Variants in NAV2 observed in about 807,000 individuals in gnomAD.
The protein encoded by NAV2 is helicase, APC down-regulated 1.
NAV2 carries 54 observed loss-of-function variants against 223.2 expected under a neutral mutation model. The ratio of observed to expected loss-of-function variants is 0.24; its 90% CI spans 0.19 to 0.30. NAV2 has a LOEUF of 0.30. Ranked by LOEUF, NAV2 falls within the 10% of genes least tolerant of loss-of-function variation. The pLI, the probability that NAV2 is intolerant of heterozygous loss-of-function variation, is 1.00. For missense variants in NAV2, 2,806 were observed against 3,147.5 expected (o/e 0.89, Z 2.60); for synonymous variants, 1,279 against 1,239.3 (o/e 1.03, Z -0.67).
rs548054400 is a variant in NAV2 at position 19,887,416 on chromosome 11, C to T, written c.771-5018C>T. Among the ~76,000 whole-genome samples the T allele has an allele frequency of 1.4e-4, 22 of 152,110 alleles. No individual in the cohort carries two copies. The South Asian group carries it at 3.1e-3, about 22-fold the overall frequency. ...GATATGAGGTGCAGTTAAACCTAAG[C>T]GAAGGCCCATCCTTACCACTTACTG... On this transcript the variant is annotated intron_variant, in intron 5 of 37. Coordinates refer to ENST00000349880, the MANE Select transcript of NAV2 (RefSeq NM_145117.5).
rs758442049 is a variant in NAV2 at position 20,095,787 on chromosome 11, G to A, written c.6012+20G>A. The stretch of plus-strand genomic sequence containing the variant: ...TTCAAAGTAAGTGTTTCAAGACAAC[G>A]GCTACAGCATACTACCTAACATGGG... On this transcript the variant is annotated intron_variant, in intron 30 of 37. Coordinates refer to ENST00000349880, the MANE Select transcript of NAV2 (RefSeq NM_145117.5). 7.0e-6 allele frequency: 11 copies of A among 1,579,904 alleles called. No homozygotes were observed. Among genetic ancestry groups the A allele is most frequent in the African/African-American group, 2.7e-5 (2 of 74,244 alleles).
chr11:19,843,403 C>T (rs914318222), intron 3 of NAV2, among the ~76,000 whole-genome samples: 2 of 152,212 alleles, frequency 1.3e-5, no homozygotes, highest in Non-Finnish European at 2.9e-5. Context: ...TGTGCAGTCA[C>T]ATCTGAAGCT....
intron 1 of NAV2, among the ~76,000 whole-genome samples, chr11:19,393,420 G>A (rs1433527014): frequency 6.6e-6 from 1 of 152,210 alleles, no homozygotes; most frequent in East Asian, 1.9e-4. Context: ...GGTCTGATCT[G>A]TAGCTTTAAA....
intron 5 of NAV2, chr11:19,884,288 A>G: frequency 6.2e-7 from 1 of 1,611,438 alleles, no homozygotes; most frequent in Non-Finnish European, 8.5e-7. Flanking sequence ...CTTTCCTATC[A>G]TGCAGTGCAT....
chr11:20,051,466 G>A (rs1452751671), intron 17 of NAV2, 133 bp downstream of exon 17: 1 of 784,762 alleles, frequency 1.3e-6, no homozygotes, highest in East Asian at 2.4e-5. Context: ...AGGACCTTTT[G>A]GATGACGGCT....
chr11:19,985,085 T>C (rs1183293772), intron 11 of NAV2, among the ~76,000 whole-genome samples: 1 of 152,234 alleles, frequency 6.6e-6, no homozygotes, highest in Non-Finnish European at 1.5e-5. Context: ...GCAAGTGGTT[T>C]AAAATGACCA....
intron 1 of NAV2, among the ~76,000 whole-genome samples, chr11:19,621,915 A>G (rs1300413483): frequency 6.6e-6 from 1 of 152,106 alleles, no homozygotes; most frequent in Non-Finnish European, 1.5e-5. Flanking sequence ...TTCCCTGTAA[A>G]CACTGCTTTG....
At position 19,822,395 on chromosome 11, in the gene NAV2, C is replaced by T. The variant is rs1454421659; in HGVS notation, c.268-10089C>T. ...CTACATAAGACTGGAGCAAGCATTG[C>T]CCCCTGCACAGGTAGATGCTCAGGC... On this transcript the variant is annotated intron_variant, in intron 1 of 37. Transcript: ENST00000349880. 2.6e-5 allele frequency among the ~76,000 whole-genome samples: 4 copies of T among 152,322 alleles called. No homozygotes were observed. In the South Asian group the frequency reaches 8.3e-4, roughly 32 times the overall value.
intron 1 of NAV2, among the ~76,000 whole-genome samples, chr11:19,795,013 A>G (rs1590585337): frequency 2.0e-5 from 3 of 152,196 alleles, no homozygotes; most frequent in African/African-American, 7.2e-5. Flanking sequence ...TCAGTACCCT[A>G]TGGAGTAAGC....
At chr11:19,719,707 G>A (rs969731329) in intron 1 of NAV2, among the ~76,000 whole-genome samples, 27 of 152,134 alleles carry the variant, frequency 1.8e-4, no homozygotes, top group African/African-American at 5.3e-4. Context: ...AAAGACAGAC[G>A]GCTTGCACCA....
chr11:19,702,767 G>A (rs2049543071), intron 1 of NAV2, among the ~76,000 whole-genome samples: 2 of 145,118 alleles, frequency 1.4e-5, no homozygotes, highest in South Asian at 2.3e-4. Context: ...GACAGAGCAG[G>A]ACCCTGTCTC....
intron 1 of NAV2, among the ~76,000 whole-genome samples, chr11:19,754,552 T>C (rs764863346): frequency 8.5e-5 from 13 of 152,216 alleles, no homozygotes; most frequent in Non-Finnish European, 1.6e-4. Context: ...GTTTACAGAC[T>C]ACCTGCAGTA....
chr11:20,005,960 G>A (rs576324683), intron 11 of NAV2, among the ~76,000 whole-genome samples: 1 of 152,180 alleles, frequency 6.6e-6, no homozygotes, highest in Non-Finnish European at 1.5e-5. Context: ...TTTTAAAGAT[G>A]AGGGAACCAG....
chr11:19,379,825 T>G (rs1384005086), intron 1 of NAV2, among the ~76,000 whole-genome samples: 1 of 152,194 alleles, frequency 6.6e-6, no homozygotes, highest in African/African-American at 2.4e-5. Flanking sequence ...CGTAATTCTC[T>G]TCTCACCTGC....
intron 1 of NAV2, among the ~76,000 whole-genome samples, chr11:19,544,553 C>T (rs943006924): frequency 6.6e-6 from 1 of 152,156 alleles, no homozygotes; most frequent in African/African-American, 2.4e-5. Flanking sequence ...TTAGCTGGGC[C>T]ACATTCCACC....
At chr11:19,984,897 T>G in intron 11 of NAV2, among the ~76,000 whole-genome samples, 1 of 152,328 alleles carries the variant, frequency 6.6e-6, no homozygotes, top group South Asian at 2.1e-4. Flanking sequence ...GAGCAACCGA[T>G]GAAGTGAGGA....
chr11:20,039,037 A>C (rs2056668044), intron 12 of NAV2, among the ~76,000 whole-genome samples: 1 of 152,192 alleles, frequency 6.6e-6, no homozygotes, highest in African/African-American at 2.4e-5. Context: ...GCTGTCCAGC[A>C]TCAGCTCCTG....
At chr11:19,759,459 T>C (rs1398591073) in intron 1 of NAV2, among the ~76,000 whole-genome samples, 1 of 152,208 alleles carries the variant, frequency 6.6e-6, no homozygotes, top group African/African-American at 2.4e-5. Context: ...GCTCAGGTAT[T>C]GTTTGAATTT....
chr11:20,052,241 CT>C (rs1202642149), intron 17 of NAV2, among the ~76,000 whole-genome samples: 1 of 152,234 alleles, frequency 6.6e-6, no homozygotes, highest in Non-Finnish European at 1.5e-5. Context: ...TAACCTGCAG[CT>C]CTTAAGACTG....
Sources: allele counts gnomAD v4.1 joint callset (sites outside exome capture counted in the v4.1 genomes callset), GRCh38; gene constraint gnomAD v4.1.1; transcripts MANE v1.5; gene names NCBI Gene and HGNC (gene_info 2026-07-23, HGNC 2026-07-21).